EIF3C: variants seen among roughly 807,000 people sequenced by gnomAD.
EIF3C encodes eukaryotic translation initiation factor 3 subunit C.
A neutral mutation model predicts 11.1 loss-of-function variants in EIF3C; 2 were observed. The ratio of observed to expected loss-of-function variants is 0.18; its 90% confidence interval spans 0.07 to 0.57. EIF3C has a LOEUF of 0.57. EIF3C is among the 20% of genes least tolerant of loss of function. EIF3C has a pLI of 0.92. For synonymous variants in EIF3C, 2 were observed against 41.5 expected, an observed-to-expected ratio of 0.05 and a Z score of 3.66; for missense variants, 16 against 114.6, an observed-to-expected ratio of 0.14 and a Z score of 3.93.
chr16:28,697,645 G>A (rs1192711760), intron 1 of EIF3C, among the ~76,000 whole-genome samples: 4 of 69,676 alleles, frequency 5.7e-5, no homozygotes, highest in African/African-American at 1.2e-4. Context: ...CACCTTTCCC[G>A]CCTTTCTATT....
upstream of EIF3C, among the ~76,000 whole-genome samples, chr16:28,709,980 G>GT (rs1218746811): frequency 0.016 from 366 of 22,496 alleles, no homozygotes; most frequent in African/African-American, 0.032. Context: ...GAACCCCTTG[G>GT]TTTTTTTTTT....
At chr16:28,698,652 C>T (rs1384714707) in intron 1 of EIF3C, among the ~76,000 whole-genome samples, 6 of 80,514 alleles carry the variant, frequency 7.5e-5, no homozygotes, top group Non-Finnish European at 1.3e-4. Flanking sequence ...GGCTGCCGGG[C>T]GGAGAGGCTC....
Position 28,699,704 on chromosome 16 carries a change from C to T in EIF3C, c.-31+10876C>T, listed in dbSNP as rs1367789522. On this transcript the variant is annotated intron_variant, in intron 1 of 20. Coordinates refer to the EIF3C transcript ENST00000566501. ...GACTACAGGCAGGTGCCACCATGCC[C>T]GGCTAATTTTTGTATTTTTAGTAGA... 6.7e-5 allele frequency among the ~76,000 whole-genome samples: 5 copies of T among 75,064 alleles called. 2 individuals are homozygous for T. Among genetic ancestry groups the T allele is most frequent in the Non-Finnish European group, 1.3e-4 (5 of 39,182 alleles). 49.2% of individuals were successfully genotyped at this position (75,064 alleles called of 152,430 possible).
In EIF3C at chr16:28,700,430, G is replaced by A. The variant is rs1199376394; in HGVS notation, c.-30-11227G>A. ...CCGGCGTCGATACACTGCTGCATGG[G>A]GAACTTGGCCTTGGTGGGGTCCATC... On this transcript the variant is annotated intron_variant, in intron 1 of 20. Coordinates refer to the EIF3C transcript ENST00000566501. The A allele has an allele frequency of 7.8e-6, 3 of 384,094 alleles. 1 individual carries two copies. The highest frequency in any genetic ancestry group is 1.4e-5 in the Non-Finnish European group (3 of 208,100). 23.8% of individuals were successfully genotyped at this position (384,094 alleles called of 1,614,324 possible).
chr16:28,688,911 T>A lies in EIF3C; in HGVS notation c.-31+83T>A, dbSNP rs1384185403. 3.9e-5 allele frequency: 2 copies of A among 50,714 alleles called. 1 individual carries two copies. 3.1% of individuals were successfully genotyped at this position (50,714 alleles called of 1,614,324 possible). A position where few individuals can be genotyped will look rare whatever the true frequency, so the allele number is the denominator to read the frequency against. ...GTTTGCGTGTGTGTGTGTGTGTATG[T>A]GTGTGTGTTTGTGTGTTGAGACAGA... is the stretch of plus-strand genomic sequence containing the variant. On this transcript the variant is annotated intron_variant, in intron 1 of 20. Transcript: ENST00000566501.
intron 1 of EIF3C, among the ~76,000 whole-genome samples, chr16:28,692,616 A>G (rs1163214281): frequency 1.4e-5 from 2 of 139,988 alleles, no homozygotes; most frequent in East Asian, 2.2e-4. Flanking sequence ...AAAATTAGCC[A>G]GGCTTGGTGG....
upstream of EIF3C, among the ~76,000 whole-genome samples, chr16:28,706,913 C>T (rs377061940): frequency 0.47 from 476 of 1,018 alleles, 112 homozygotes; most frequent in Admixed American, 0.6. Flanking sequence ...CAAAGCTCTT[C>T]CAGGGTGTCG....
intron 15 of EIF3C, among the ~76,000 whole-genome samples, chr16:28,730,440 AG>A (rs553435925): frequency 0.018 from 2,637 of 147,448 alleles, no homozygotes; most frequent in African/African-American, 0.064. Context: ...AACATTTTTA[AG>A]GCTTTTTGCA....
At chr16:28,733,792 TA>T (rs2048474234) in intron 16 of EIF3C, among the ~76,000 whole-genome samples, 1 of 89,006 alleles carries the variant, frequency 1.1e-5, no homozygotes, top group African/African-American at 3.2e-5. Context: ...GGCAACAGTG[TA>T]ATTGATGCAT....
Position 28,733,145 on chromosome 16 carries a change from G to A in EIF3C, c.2182+953G>A, listed in dbSNP as rs1393969127. On this transcript the variant is annotated intron_variant, in intron 16 of 20. Coordinates refer to ENST00000331666, the MANE Select transcript of EIF3C (RefSeq NM_003752.5). ...GTTGCCCAGACTGGAGTGCAGTGGC[G>A]CAGTCTCAGCTCACTGCAACCTCCA... Among the ~76,000 whole-genome samples, 48 of 24,758 alleles carry A rather than the reference G, an allele frequency of 1.9e-3. 5 individuals carry two copies. Among genetic ancestry groups the A allele is most frequent in the Non-Finnish European group, 2.7e-3 (37 of 13,538 alleles). The allele number at this position is 24,758 out of a possible 152,430, so 16.2% of individuals were successfully genotyped here. A position where few individuals can be genotyped will look rare whatever the true frequency, so the allele number is the denominator to read the frequency against.
At chr16:28,723,359 G>A in intron 9 of EIF3C, 36 bp downstream of exon 9, 1 of 1,613,326 alleles carries the variant, frequency 6.2e-7, no homozygotes, top group Non-Finnish European at 8.5e-7. Context: ...TTGGGGAACA[G>A]TTTGGGAGGA....
At chr16:28,731,138 C>CA (rs576194197) in intron 15 of EIF3C, among the ~76,000 whole-genome samples, 3 of 19,302 alleles carry the variant, frequency 1.6e-4, no homozygotes, top group Admixed American at 6.3e-4. Context: ...ACTCCGTCTC[C>CA]AAAAAAAAAA....
intron 15 of EIF3C, among the ~76,000 whole-genome samples, chr16:28,728,444 TTTTA>T (rs1307561850): frequency 4.6e-5 from 2 of 43,540 alleles, no homozygotes; most frequent in Admixed American, 3.2e-4. Flanking sequence ...TGTGTGTCTC[TTTTA>T]GGGGGTGTGT....
intron 15 of EIF3C, among the ~76,000 whole-genome samples, chr16:28,729,107 C>T (rs370336165): frequency 1.7e-3 from 40 of 23,080 alleles, no homozygotes; most frequent in Non-Finnish European, 3.8e-3. Flanking sequence ...GACGGAGTCT[C>T]GCTCTGTCGG....
intron 1 of EIF3C, among the ~76,000 whole-genome samples, chr16:28,699,464 C>CGGAGACGGAGAG (rs1248980804): frequency 5.1e-5 from 4 of 77,830 alleles, no homozygotes; most frequent in Non-Finnish European, 9.9e-5. Flanking sequence ...GAGAGGGAGA[C>CGGAGACGGAGAG]GGAGACGGAG....
intron 1 of EIF3C, among the ~76,000 whole-genome samples, chr16:28,698,162 T>A (rs1260861408): frequency 1.1e-5 from 1 of 93,542 alleles, no homozygotes; most frequent in African/African-American, 4.4e-5. Flanking sequence ...ACGGGGCGGC[T>A]GGCCGGGCAG....
upstream of EIF3C, among the ~76,000 whole-genome samples, chr16:28,707,449 A>G (rs2151791665): frequency 0.028 from 1 of 36 alleles, no homozygotes; most frequent in South Asian, 0.12. Context: ...AGTTGAGGCC[A>G]AGCACAGTGG....
chr16:28,729,856 A>G (rs930009555), intron 15 of EIF3C, among the ~76,000 whole-genome samples: 1 of 150,156 alleles, frequency 6.7e-6, no homozygotes, highest in Non-Finnish European at 1.5e-5. Context: ...CCTACTCAGG[A>G]GGCTGAGGTA....
chr16:28,699,758 G>C (rs1182687052), intron 1 of EIF3C, among the ~76,000 whole-genome samples: 2 of 88,432 alleles, frequency 2.3e-5, no homozygotes, highest in African/African-American at 5.0e-5. Context: ...TGGCCAGGCT[G>C]GTCTTCAACT....
Sources: gnomAD v4.1 joint callset for allele counts (sites outside exome capture counted in the v4.1 genomes callset) on GRCh38, gnomAD v4.1.1 for gene constraint, MANE v1.5 for transcripts, NCBI Gene and HGNC (gene_info 2026-07-23, HGNC 2026-07-21) for gene names.